CPD: variants seen among roughly 807,000 people sequenced by gnomAD.
The protein encoded by CPD is metallocarboxypeptidase D.
Under a neutral mutation model 138.3 loss-of-function variants are expected in CPD, and 69 were observed. The observed-to-expected ratio is 0.50, with a 90% CI of 0.41 to 0.61. CPD has a LOEUF of 0.61. CPD is among the 20% of genes least tolerant of loss of function. The probability of loss-of-function intolerance (pLI) is 0.00; values close to 1 mark genes in which losing one functional copy is unlikely to be tolerated. For missense variants in CPD, 1,432 were observed against 1,733.3 expected (o/e 0.83, Z 3.09); for synonymous variants, 651 against 642.1 (o/e 1.01, Z -0.21).
At chr17:30,426,469 T>A (rs1912411167) in intron 6 of CPD, among the ~76,000 whole-genome samples, 2 of 152,212 alleles carry the variant, frequency 1.3e-5, no homozygotes, top group South Asian at 4.1e-4. Flanking sequence ...ACAGTCCTTA[T>A]GTGCTGAGTC....
intron 12 of CPD, among the ~76,000 whole-genome samples, chr17:30,447,027 T>C (rs1431103102): frequency 6.6e-6 from 1 of 152,216 alleles, no homozygotes; most frequent in African/African-American, 2.4e-5. Context: ...GGGTTGTTTG[T>C]ATTTTTCTTG....
At chr17:30,411,130 T>C (rs1911957839) in intron 2 of CPD, among the ~76,000 whole-genome samples, 2 of 152,230 alleles carry the variant, frequency 1.3e-5, no homozygotes, top group South Asian at 2.1e-4. Context: ...TTAGTTTGGC[T>C]GGATATGAAA....
chr17:30,464,548 A>G, intron 20 of CPD, 40 bp from the exon 21 acceptor site: 1 of 1,533,850 alleles, frequency 6.5e-7, no homozygotes, highest in Non-Finnish European at 9.0e-7. Flanking sequence ...TAATATCCTT[A>G]AAGTATAATA....
Position 30,469,920 on chromosome 17 carries a change from T to C in CPD, c.*5106T>C, listed in dbSNP as rs2143530805. On this transcript the variant is annotated 3_prime_UTR_variant, in exon 21 of 21. Coordinates refer to ENST00000225719, the MANE Select transcript of CPD (RefSeq NM_001304.5). ...TGTTTCATAAACAGTAATCTAGTTA[T>C]TATGTTCAGCTTTTCAGATTTATAA... is the stretch of plus-strand genomic sequence containing the variant. The C allele has an allele frequency of 6.6e-6, 1 of 152,266 alleles. No individual in the cohort carries two copies. The highest frequency in any genetic ancestry group is 1.9e-4 in the East Asian group (1 of 5,176). 9.4% of individuals were successfully genotyped at this position (152,266 alleles called of 1,614,324 possible). A position where few individuals can be genotyped will look rare whatever the true frequency, so the allele number is the denominator to read the frequency against.
At chr17:30,408,590 A>G (rs1911868316) in intron 2 of CPD, among the ~76,000 whole-genome samples, 1 of 152,172 alleles carries the variant, frequency 6.6e-6, no homozygotes, top group African/African-American at 2.4e-5. Context: ...GAGTTCACTC[A>G]TGATTTGGCT....
In CPD at chr17:30,439,094, A is replaced by T; in HGVS notation, c.2230+17A>T. 1.4e-6 allele frequency: 2 copies of T among 1,469,874 alleles called. No individual in the cohort carries two copies. Among genetic ancestry groups the T allele is most frequent in the Non-Finnish European group, 1.9e-6 (2 of 1,074,280 alleles). 91.1% of individuals were successfully genotyped at this position (1,469,874 alleles called of 1,614,324 possible). On this transcript the variant is annotated intron_variant, in intron 9 of 20. Coordinates refer to ENST00000225719, the MANE Select transcript of CPD (RefSeq NM_001304.5). ...ATGTGCCAGGTAAAGATTCTTTTAT[A>T]TCAAGGCCTTACAACTTGATGGCCT...
intron 15 of CPD, chr17:30,455,772 C>T (rs761426783): frequency 2.9e-5 from 8 of 272,902 alleles, no homozygotes; most frequent in South Asian, 2.1e-4. Flanking sequence ...GAGTATGACA[C>T]GGTTTCTGCC....
chr17:30,427,579 A>G, intron 7 of CPD, 21 bp downstream of exon 7: 1 of 1,606,770 alleles, frequency 6.2e-7, no homozygotes, highest in Non-Finnish European at 8.5e-7. Context: ...TTTATATTCT[A>G]CTAATCAGTT....
In CPD at chr17:30,443,813, C is replaced by T. The variant is rs536025849; in HGVS notation, c.2385C>T (p.Gly795=). The T allele has an allele frequency of 1.2e-5, 19 of 1,609,838 alleles. No individual in the cohort carries two copies. Among genetic ancestry groups the T allele is most frequent in the East Asian group, 4.5e-5 (2 of 44,858 alleles). The change falls in exon 11 of 21, where the codon GGC becomes GGT. Residue 795 remains glycine (G), a synonymous_variant. Transcript: ENST00000225719. ...TGTACTTAATCCAGGTTCATCAGGG[C>T]GTCAGAGGATTTGTTCTAGATGCCA... ...LIQFMKQVHQ[G]VRGFVLDATD... is the part of the protein sequence containing the mutation.
chr17:30,418,978 T>G (rs1912190929), intron 2 of CPD, among the ~76,000 whole-genome samples: 1 of 152,216 alleles, frequency 6.6e-6, no homozygotes, highest in African/African-American at 2.4e-5. Context: ...TTAACCTAAC[T>G]TTTTTGTCTT....
At chr17:30,418,101 A>G (rs1160536491) in intron 2 of CPD, among the ~76,000 whole-genome samples, 1 of 152,198 alleles carries the variant, frequency 6.6e-6, no homozygotes, top group Admixed American at 6.5e-5. Context: ...TGCCTCCCCA[A>G]GAAGCCTTTA....
Position 30,445,780 on chromosome 17 carries a change from A to G in CPD, c.2633A>G (p.Asn878Ser). 1.2e-6 allele frequency: 2 copies of G among 1,614,048 alleles called. No homozygotes were observed. Among genetic ancestry groups the G allele is most frequent in the Non-Finnish European group, 8.5e-7 (1 of 1,179,972 alleles). The change falls in exon 12 of 21, where the codon AAC becomes AGC. Residue 878 changes from asparagine (N) to serine (S), a missense_variant. Physicochemically the swap from Asn to Ser is conservative, Grantham distance 46. This residue lies in a region of CPD where 124 missense variants were observed against 117.0 expected (regional missense o/e 1.06). Coordinates refer to ENST00000225719, the MANE Select transcript of CPD (RefSeq NM_001304.5). ...CTTGTTCGATCCTCAACAGATTCAA[A>G]CAATGAATCAAAGAAAGGAAAAGGG... is the stretch of plus-strand genomic sequence containing the variant. ...FTLVRSSTDS[N>S]NESKKGKGAS...
At chr17:30,442,736 TA>T (rs956959009) in intron 10 of CPD, among the ~76,000 whole-genome samples, 2 of 152,150 alleles carry the variant, frequency 1.3e-5, no homozygotes, top group African/African-American at 2.4e-5. Flanking sequence ...TACCCGTGTT[TA>T]AAAAAGACCA....
At chr17:30,403,528 A>G (rs1309793755) in intron 2 of CPD, among the ~76,000 whole-genome samples, 1 of 152,196 alleles carries the variant, frequency 6.6e-6, no homozygotes, top group Non-Finnish European at 1.5e-5. Flanking sequence ...TTCATGGGAA[A>G]GAAAGGATGT....
chr17:30,427,474 A>G lies in CPD; in HGVS notation c.1933A>G (p.Thr645Ala). The G allele has an allele frequency of 1.2e-6, 2 of 1,614,184 alleles. No homozygotes were observed. The highest frequency in any genetic ancestry group is 1.3e-5 in the African/African-American group (1 of 75,058). The change falls in exon 7 of 21, where the codon ACA becomes GCA. Residue 645 changes from threonine to alanine, a missense_variant. Transcript: ENST00000225719. ...RNFPDQFVQI[T>A]DPTQPETIAV... is the part of the protein sequence containing the mutation. ...TTTCCCAGACCAGTTTGTTCAGATC[A>G]CAGATCCTACGCAACCAGAAACTAT...
rs1473953638 is a variant in CPD, at chr17:30,439,070, T to C, written c.2223T>C (p.Asn741=). The C allele has an allele frequency of 1.9e-6, 3 of 1,577,306 alleles. No homozygotes were observed. The African/African-American group carries it at 4.1e-5, about 22-fold the overall frequency. ...HGITNGASWY[N]VPGGMQDWNY... is the part of the protein sequence containing the mutation. ...TAACAAATGGAGCTAGTTGGTATAATGTGCCAGGTAAAGATTCTTTTATAT... is the reference window on the plus strand; with the variant it reads ...TAACAAATGGAGCTAGTTGGTATAACGTGCCAGGTAAAGATTCTTTTATAT... Residue 741 remains asparagine (N), a synonymous_variant, in exon 9 of 21, where the codon AAT becomes AAC. Transcript: ENST00000225719.
At chr17:30,451,426 A>G (rs754167585) in intron 13 of CPD, among the ~76,000 whole-genome samples, 21 of 152,154 alleles carry the variant, frequency 1.4e-4, no homozygotes, top group Non-Finnish European at 2.9e-4. Context: ...AACTTTATAT[A>G]CAATAGCAGG....
intron 2 of CPD, among the ~76,000 whole-genome samples, chr17:30,411,168 G>A (rs1911958682): frequency 6.6e-6 from 1 of 152,170 alleles, no homozygotes; most frequent in African/African-American, 2.4e-5. Flanking sequence ...TTTCTTTTAA[G>A]AATGTTGAAT....
At chr17:30,430,640 T>A (rs1204066799) in intron 7 of CPD, among the ~76,000 whole-genome samples, 2 of 152,106 alleles carry the variant, frequency 1.3e-5, no homozygotes, top group African/African-American at 4.8e-5. Context: ...TTTGAGTTCC[T>A]GTTTTCTTTT....
Sources: gnomAD v4.1 joint callset for allele counts (sites outside exome capture counted in the v4.1 genomes callset) on GRCh38, gnomAD v4.1.1 for gene constraint, gnomAD v4.1.1 regional missense constraint, MANE v1.5 for transcripts, NCBI Gene and HGNC (gene_info 2026-07-23, HGNC 2026-07-21) for gene names.